Variants in FGF12 observed in about 807,000 individuals in gnomAD.
The protein encoded by FGF12 is fibroblast growth factor 12.
A neutral mutation model predicts 23.6 loss-of-function variants in FGF12; 14 were observed. The ratio of observed to expected loss-of-function variants is 0.59; its 90% CI spans 0.39 to 0.93. The LOEUF is 0.93. Among genes scored for constraint, FGF12 ranks in the 40% least tolerant of loss-of-function variants. The probability of loss-of-function intolerance (pLI) is 0.00; values close to 1 mark genes in which losing one functional copy is unlikely to be tolerated. For missense variants in FGF12, 175 were observed against 217.8 expected (o/e 0.80, Z 1.24); for synonymous variants, 62 against 77.3 (o/e 0.80, Z 1.04).
intron 2 of FGF12, among the ~76,000 whole-genome samples, chr3:192,586,079 A>G (rs777847866): frequency 6.6e-6 from 1 of 152,216 alleles, no homozygotes; most frequent in Non-Finnish European, 1.5e-5. Flanking sequence ...AAATTAACCA[A>G]GTGTACATGT....
At position 192,696,630 on chromosome 3, in the gene FGF12, G is replaced by A. The variant is rs145450399; in HGVS notation, c.13+30551C>T. On this transcript the variant is annotated intron_variant, in intron 2 of 5. Transcript: ENST00000445105. Reference sequence around the variant, plus strand: ...TGACTTCACTACTTACTAAATGGGTGACCTTGGCTTAGTCACCCAATGAGG... The same window carrying A: ...TGACTTCACTACTTACTAAATGGGTAACCTTGGCTTAGTCACCCAATGAGG... Among the ~76,000 whole-genome samples the A allele has an allele frequency of 1.4e-3, 208 of 152,202 alleles. 2 individuals carry two copies. The highest frequency in any genetic ancestry group is 3.4e-3 in the Middle Eastern group (1 of 294).
intron 2 of FGF12, among the ~76,000 whole-genome samples, chr3:192,535,257 T>C (rs952936951): frequency 6.6e-6 from 1 of 152,208 alleles, no homozygotes; most frequent in African/African-American, 2.4e-5. Context: ...TATACAGTAC[T>C]GTATAACATC....
intron 2 of FGF12, among the ~76,000 whole-genome samples, chr3:192,664,764 C>T (rs2108687279): frequency 6.6e-6 from 1 of 152,150 alleles, no homozygotes; most frequent in African/African-American, 2.4e-5. Flanking sequence ...GACTCCGTCT[C>T]ACAACAACAA....
chr3:192,232,283 A>C (rs1202858007), intron 4 of FGF12, among the ~76,000 whole-genome samples: 1 of 152,144 alleles, frequency 6.6e-6, no homozygotes, highest in Non-Finnish European at 1.5e-5. Flanking sequence ...TAAAATAGTA[A>C]ATAAAGAAGG....
At chr3:192,411,698 T>C (rs1196726429) in intron 2 of FGF12, among the ~76,000 whole-genome samples, 3 of 152,200 alleles carry the variant, frequency 2.0e-5, no homozygotes, top group Admixed American at 1.3e-4. Flanking sequence ...CAGACACAGA[T>C]AGTACAGTGG....
chr3:192,463,116 G>A (rs1365015373), intron 2 of FGF12, among the ~76,000 whole-genome samples: 1 of 152,100 alleles, frequency 6.6e-6, no homozygotes, highest in Non-Finnish European at 1.5e-5. Context: ...TTACTTTAGG[G>A]TGATAGAAGA....
At chr3:192,396,932 C>T (rs777748653) in intron 2 of FGF12, among the ~76,000 whole-genome samples, 8 of 152,198 alleles carry the variant, frequency 5.3e-5, no homozygotes, top group African/African-American at 1.9e-4. Flanking sequence ...AAGGAACCTC[C>T]ATCTTCACCA....
chr3:192,479,387 A>G (rs1723417164), intron 2 of FGF12, among the ~76,000 whole-genome samples: 1 of 152,178 alleles, frequency 6.6e-6, no homozygotes, highest in Admixed American at 6.5e-5. Context: ...ATTGAAACAT[A>G]TCACCCAGTG....
In FGF12 at chr3:192,727,514, C is replaced by G; in HGVS notation, c.-161G>C. On this transcript the variant is annotated 5_prime_UTR_variant, in exon 1 of 6. Coordinates refer to ENST00000445105, the MANE Select transcript of FGF12 (RefSeq NM_004113.6). ...TCTGGAAGCTGCAGGCAGGAGCTGT[C>G]CTCCGAGCGTGGTGCTGCAGGTGTA... 3.7e-6 allele frequency: 2 copies of G among 541,412 alleles called. No homozygotes were observed. The highest frequency in any genetic ancestry group is 3.2e-6 in the Non-Finnish European group (1 of 312,902). The allele number at this position is 541,412 out of a possible 1,614,324, so 33.5% of individuals were successfully genotyped here.
chr3:192,612,876 T>A lies in FGF12; in HGVS notation c.13+114305A>T, dbSNP rs188230582. ...CAAGAAACATGCTCCTTGCCCAAAT[T>A]TTTCTTTGAGATTTAAATTGGCATA... is the stretch of plus-strand genomic sequence containing the variant. On this transcript the variant is annotated intron_variant, in intron 2 of 5. Transcript: ENST00000445105. Among the ~76,000 whole-genome samples the A allele has an allele frequency of 3.3e-5, 5 of 152,058 alleles. No individual in the cohort carries two copies. The East Asian group carries it at 9.7e-4, about 29-fold the overall frequency.
At chr3:192,669,021 G>A (rs1717004104) in intron 2 of FGF12, among the ~76,000 whole-genome samples, 1 of 152,152 alleles carries the variant, frequency 6.6e-6, no homozygotes, top group South Asian at 2.1e-4. Context: ...GCTCTAATAT[G>A]TTTCATAGGT....
intron 4 of FGF12, among the ~76,000 whole-genome samples, chr3:192,298,705 CTGCACT>C (rs1715177148): frequency 6.6e-6 from 1 of 152,156 alleles, no homozygotes; most frequent in Admixed American, 6.5e-5. Flanking sequence ...TATCGTGCCA[CTGCACT>C]CCAGCCTGGG....
chr3:192,261,034 G>A (rs1242136680), intron 4 of FGF12, among the ~76,000 whole-genome samples: 1 of 152,054 alleles, frequency 6.6e-6, no homozygotes, highest in Non-Finnish European at 1.5e-5. Context: ...TGGGGTACAG[G>A]GGTAAAGGAA....
At chr3:192,454,606 T>C (rs1271475515) in intron 2 of FGF12, among the ~76,000 whole-genome samples, 2 of 152,182 alleles carry the variant, frequency 1.3e-5, no homozygotes, top group South Asian at 4.1e-4. Flanking sequence ...CTGATAAACA[T>C]GGTGCAAGGA....
At chr3:192,538,382 C>T (rs1032266127) in intron 2 of FGF12, among the ~76,000 whole-genome samples, 9 of 152,152 alleles carry the variant, frequency 5.9e-5, no homozygotes, top group Non-Finnish European at 1.2e-4. Flanking sequence ...ATTGTCTTTT[C>T]CCCAATGTAT....
chr3:192,194,546 T>C (rs1420666571), intron 4 of FGF12, among the ~76,000 whole-genome samples: 1 of 152,216 alleles, frequency 6.6e-6, no homozygotes, highest in Non-Finnish European at 1.5e-5. Flanking sequence ...CATGGACTTA[T>C]TTTCATATAT....
intron 2 of FGF12, among the ~76,000 whole-genome samples, chr3:192,680,084 G>A (rs553485090): frequency 3.9e-4 from 60 of 152,058 alleles, no homozygotes; most frequent in Non-Finnish European, 7.2e-4. Flanking sequence ...ATAGCTTATC[G>A]ATGTTTCGCA....
intron 2 of FGF12, among the ~76,000 whole-genome samples, chr3:192,698,780 A>C (rs1718205229): frequency 6.6e-6 from 1 of 152,196 alleles, no homozygotes; most frequent in Non-Finnish European, 1.5e-5. Flanking sequence ...GATACTTGCC[A>C]ATGATGGTCA....
At chr3:192,317,017 G>T (rs934315646) in intron 4 of FGF12, among the ~76,000 whole-genome samples, 1 of 152,112 alleles carries the variant, frequency 6.6e-6, no homozygotes, top group African/African-American at 2.4e-5. Context: ...GCCTTGAAGG[G>T]AAGGACCCAG....
Sources: allele counts gnomAD v4.1 joint callset (sites outside exome capture counted in the v4.1 genomes callset), GRCh38; gene constraint gnomAD v4.1.1; transcripts MANE v1.5; gene names NCBI Gene and HGNC (gene_info 2026-07-23, HGNC 2026-07-21).